Variants in DLC1 observed in about 807,000 individuals in gnomAD.
DLC1 encodes the protein DLC1 Rho GTPase activating protein.
A neutral mutation model predicts 140.3 loss-of-function variants in DLC1; 54 were observed. That is an observed-to-expected ratio of 0.38 (90% CI 0.31 to 0.48). The LOEUF (loss-of-function observed/expected upper bound fraction) is 0.48, where lower values mean the gene tolerates loss of function less well. DLC1 is among the 20% of genes least tolerant of loss of function. The probability of loss-of-function intolerance (pLI) is 0.96; values close to 1 mark genes in which losing one functional copy is unlikely to be tolerated. For missense variants in DLC1, 2,536 were observed against 1,907.0 expected (o/e 1.33, Z -6.14); for synonymous variants, 986 against 728.1 (o/e 1.35, Z -5.70).
At position 13,511,152 on chromosome 8, in the gene DLC1, C is replaced by G. The variant is rs997341814; in HGVS notation, c.-126+3450G>C. 3.9e-5 allele frequency among the ~76,000 whole-genome samples: 6 copies of G among 152,106 alleles called. No homozygotes were observed. In the South Asian group the frequency reaches 1.2e-3, roughly 31 times the overall value. On this transcript the variant is annotated intron_variant, in intron 1 of 17. Coordinates refer to ENST00000276297, the MANE Select transcript of DLC1 (RefSeq NM_182643.3). ...TTCCTACTTCTTTTCTATCTCATTTCCATTAACAGGGCTGATTTTCTCTTT... is the reference window on the plus strand; with the variant it reads ...TTCCTACTTCTTTTCTATCTCATTTGCATTAACAGGGCTGATTTTCTCTTT...
chr8:13,228,947 G>T (rs1385564067), intron 5 of DLC1, among the ~76,000 whole-genome samples: 1 of 152,312 alleles, frequency 6.6e-6, no homozygotes, highest in South Asian at 2.1e-4. Flanking sequence ...ACAAGTGTTG[G>T]TAAGGATGTG....
intron 4 of DLC1, among the ~76,000 whole-genome samples, chr8:13,330,982 G>C (rs991193701): frequency 6.6e-6 from 1 of 152,072 alleles, no homozygotes; most frequent in African/African-American, 2.4e-5. Context: ...AAAAAATAAA[G>C]CAAAGAATAA....
intron 1 of DLC1, among the ~76,000 whole-genome samples, chr8:13,559,719 T>C (rs1039557939): frequency 1.3e-5 from 2 of 152,224 alleles, no homozygotes; most frequent in African/African-American, 4.8e-5. Flanking sequence ...TCATCTGTAA[T>C]CACAGACCCT....
At chr8:13,140,695 T>C (rs1430028136) in intron 5 of DLC1, among the ~76,000 whole-genome samples, 1 of 152,214 alleles carries the variant, frequency 6.6e-6, no homozygotes. Flanking sequence ...TTAACAAGCT[T>C]CAAACAAAAT....
chr8:13,202,554 C>T (rs1252210113), intron 5 of DLC1, among the ~76,000 whole-genome samples: 3 of 152,178 alleles, frequency 2.0e-5, no homozygotes, highest in African/African-American at 2.4e-5. Flanking sequence ...TTCTTGGCTT[C>T]GCTGTGGGCT....
chr8:13,455,191 T>C (rs1359039614), intron 2 of DLC1, among the ~76,000 whole-genome samples: 1 of 152,174 alleles, frequency 6.6e-6, no homozygotes, highest in African/African-American at 2.4e-5. Context: ...ATTGAAAATA[T>C]TTGCCTTTGA....
chr8:13,289,295 A>G (rs998608857), intron 5 of DLC1, among the ~76,000 whole-genome samples: 2 of 152,118 alleles, frequency 1.3e-5, no homozygotes, highest in African/African-American at 4.8e-5. Flanking sequence ...AGTTCAAGCT[A>G]TCTTCCTGCC....
chr8:13,085,623 A>G lies in DLC1; in HGVS notation c.*188T>C, dbSNP rs956458846. ...GTCTTACATATTCCAGTCAAGGTCTATGAATACAGACCCTCAACAAACAGG... is the reference window on the plus strand; with the variant it reads ...GTCTTACATATTCCAGTCAAGGTCTGTGAATACAGACCCTCAACAAACAGG... On this transcript the variant is annotated 3_prime_UTR_variant, in exon 18 of 18. Transcript: ENST00000276297. 9.3e-6 allele frequency: 7 copies of G among 748,762 alleles called. No homozygotes were observed. Among genetic ancestry groups the G allele is most frequent in the African/African-American group, 7.2e-5 (4 of 55,606 alleles). The allele number at this position is 748,762 out of a possible 1,614,324, so 46.4% of individuals were successfully genotyped here.
chr8:13,092,528 G>C (rs1818158127), intron 13 of DLC1, 84 bp downstream of exon 13: 2 of 1,456,014 alleles, frequency 1.4e-6, no homozygotes, highest in East Asian at 4.9e-5. Flanking sequence ...TCAGGAAAGA[G>C]TCCCACAAAA....
At chr8:13,459,223 G>C (rs546241369) in intron 2 of DLC1, among the ~76,000 whole-genome samples, 7 of 152,240 alleles carry the variant, frequency 4.6e-5, no homozygotes, top group African/African-American at 1.7e-4. Flanking sequence ...GCTCTGTGAA[G>C]TTCTGTGTTT....
intron 5 of DLC1, among the ~76,000 whole-genome samples, chr8:13,282,681 G>A (rs1490537582): frequency 6.6e-6 from 1 of 151,370 alleles, no homozygotes; most frequent in Non-Finnish European, 1.5e-5. Context: ...TAAAATTACA[G>A]TGTGTTAGTA....
Position 13,453,772 on chromosome 8 carries a change from A to G in DLC1, c.1023+45277T>C, listed in dbSNP as rs537395138. 6.6e-5 allele frequency among the ~76,000 whole-genome samples: 10 copies of G among 151,518 alleles called. 1 individual carries two copies. The highest frequency in any genetic ancestry group is 2.2e-4 in the African/African-American group (9 of 41,294). On this transcript the variant is annotated intron_variant, in intron 2 of 17. Coordinates refer to ENST00000276297, the MANE Select transcript of DLC1 (RefSeq NM_182643.3). The stretch of plus-strand genomic sequence containing the variant: ...ACTTTGTTATAATTGTAGAACTACT[A>G]TTTTACAGTTAAATTTCATTATAAC...
chr8:13,580,914 G>C (rs929832695), intron 1 of DLC1, among the ~76,000 whole-genome samples: 2 of 152,110 alleles, frequency 1.3e-5, no homozygotes, highest in Non-Finnish European at 2.9e-5. Context: ...GGATGGGTGA[G>C]GGCTCCCCAG....
At chr8:13,098,001 C>T (rs374751025) in intron 10 of DLC1, among the ~76,000 whole-genome samples, 2 of 131,930 alleles carry the variant, frequency 1.5e-5, no homozygotes, top group East Asian at 2.2e-4. Flanking sequence ...CTAGTTAACA[C>T]GGTGAAACCC....
At chr8:13,357,877 G>A (rs539525758) in intron 4 of DLC1, among the ~76,000 whole-genome samples, 5 of 152,116 alleles carry the variant, frequency 3.3e-5, no homozygotes, top group African/African-American at 9.6e-5. Context: ...AAATTTCTTG[G>A]AAGAAATTAG....
chr8:13,097,818 C>G (rs1352191799), intron 10 of DLC1, among the ~76,000 whole-genome samples: 1 of 151,982 alleles, frequency 6.6e-6, no homozygotes, highest in Non-Finnish European at 1.5e-5. Context: ...GAGCTGAAAA[C>G]TCAATCAACC....
At chr8:13,447,485 G>C (rs1377200627) in intron 2 of DLC1, among the ~76,000 whole-genome samples, 1 of 152,172 alleles carries the variant, frequency 6.6e-6, no homozygotes, top group African/African-American at 2.4e-5. Context: ...GATTCACTCA[G>C]CTAGTAAGTA....
Position 13,543,776 on chromosome 8 carries a change from T to C in DLC1, c.-125-43580A>G, listed in dbSNP as rs1359193314. 2.6e-5 allele frequency among the ~76,000 whole-genome samples: 4 copies of C among 152,130 alleles called. No individual in the cohort carries two copies. In the South Asian group the frequency reaches 6.2e-4, roughly 24 times the overall value. The stretch of plus-strand genomic sequence containing the variant: ...AAATACTGTATGTTCTCATCTGTAA[T>C]TGGGAGCTAAGCTATAGGTATGCAA... On this transcript the variant is annotated intron_variant, in intron 1 of 1. Transcript: ENST00000631382.
chr8:13,143,848 G>GAGAGAGAGAGAGAGAGAGAC (rs1490009372), intron 5 of DLC1, among the ~76,000 whole-genome samples: 2 of 147,716 alleles, frequency 1.4e-5, no homozygotes, highest in African/African-American at 5.1e-5. Context: ...GAGAGAGAGA[G>GAGAGAGAGAGAGAGAGAGAC]AGAGACATAG....
Sources: allele counts gnomAD v4.1 joint callset (sites outside exome capture counted in the v4.1 genomes callset), GRCh38; gene constraint gnomAD v4.1.1; transcripts MANE v1.5; gene names NCBI Gene and HGNC (gene_info 2026-07-23, HGNC 2026-07-21).